The following STC2 variants were observed in gnomAD, a reference collection of about 807,000 sequenced individuals.
STC2 encodes stanniocalcin-2.
A neutral mutation model predicts 22.7 loss-of-function variants in STC2; 7 were observed. The ratio of observed to expected loss-of-function variants is 0.31; its 90% CI spans 0.18 to 0.58. The LOEUF is 0.58. STC2 is among the 20% of genes least tolerant of loss of function. STC2 has a pLI of 0.89. For missense variants in STC2, 336 were observed against 406.2 expected, an observed-to-expected ratio of 0.83 and a Z score of 1.48; for synonymous variants, 158 against 163.4, an observed-to-expected ratio of 0.97 and a Z score of 0.25.
Position 173,321,803 on chromosome 5 carries a change from G to GA in STC2, c.506+1415dup, listed in dbSNP as rs1170648135. On this transcript the variant is annotated intron_variant, in intron 3 of 3. Coordinates refer to ENST00000265087, the MANE Select transcript of STC2 (RefSeq NM_003714.3). ...CCCTGGCCAAGGGCCTAGACCATTA[G>GA]AAAAAAAATTAAAAAAACATAAAAA... is the stretch of plus-strand genomic sequence containing the variant. Among the ~76,000 whole-genome samples the GA allele has an allele frequency of 5.3e-5, 8 of 151,488 alleles. No individual in the cohort carries two copies. The East Asian group carries it at 1.4e-3, about 26-fold the overall frequency.
intron 3 of STC2, 81 bp from the exon 4 acceptor site, chr5:173,318,330 C>T: frequency 7.7e-7 from 1 of 1,306,942 alleles, no homozygotes; most frequent in Non-Finnish European, 9.8e-7. Context: ...CCGAATGGAC[C>T]ACAGAGGGCA....
chr5:173,323,257 T>A lies in STC2; in HGVS notation c.468A>T (p.Ile156=). The A allele has an allele frequency of 3.1e-6, 5 of 1,614,212 alleles. No individual in the cohort carries two copies. The highest frequency in any genetic ancestry group is 4.2e-6 in the Non-Finnish European group (5 of 1,180,048). The change falls in exon 3 of 4, where the codon ATA becomes ATT. Residue 156 remains isoleucine, a synonymous_variant. Coordinates refer to ENST00000265087, the MANE Select transcript of STC2 (RefSeq NM_003714.3). This position sits in a 1 kb window ranked among gnomAD's most constrained non-coding sequence, Gnocchi z 5.4. ...CAAAQENTRV[I]VEMIHFKDLL... ...AGTCCTTGAAATGGATCATCTCCAC[T>A]ATCACCCGGGTGTTCTCCTGGGCAG...
chr5:173,319,642 A>C (rs928800952), intron 3 of STC2, among the ~76,000 whole-genome samples: 3 of 152,214 alleles, frequency 2.0e-5, no homozygotes, highest in Non-Finnish European at 4.4e-5. Context: ...CTTTTTATTA[A>C]TTATTCCTCA....
rs929493417 is a variant in STC2, at chr5:173,317,015, G to C, written c.*832C>G. On this transcript the variant is annotated 3_prime_UTR_variant, in exon 4 of 4. Coordinates refer to ENST00000265087, the MANE Select transcript of STC2 (RefSeq NM_003714.3). Reference sequence around the variant, plus strand: ...AAAAATCAGCCTCAAAGGATGGGCTGGTTTTTTTTTTTTAAACCCCCTTTG... The same window carrying C: ...AAAAATCAGCCTCAAAGGATGGGCTCGTTTTTTTTTTTTAAACCCCCTTTG... The C allele has an allele frequency of 1.3e-5, 2 of 151,192 alleles. No individual in the cohort carries two copies. The highest frequency in any genetic ancestry group is 2.1e-4 in the South Asian group (1 of 4,784). The allele number at this position is 151,192 out of a possible 1,614,324, so 9.4% of individuals were successfully genotyped here.
At chr5:173,321,879 A>T (rs1408758834) in intron 3 of STC2, among the ~76,000 whole-genome samples, 1 of 152,246 alleles carries the variant, frequency 6.6e-6, no homozygotes, top group East Asian at 1.9e-4. Context: ...TTGTTCCCTT[A>T]AAAATATTTG....
In STC2 at chr5:173,323,316, G is replaced by A. The variant is rs1273720400; in HGVS notation, c.409C>T (p.Arg137Trp). The A allele has an allele frequency of 1.9e-6, 3 of 1,614,214 alleles. No homozygotes were observed. Among genetic ancestry groups the A allele is most frequent in the Non-Finnish European group, 1.7e-6 (2 of 1,180,036 alleles). ...AIREMVSQLQRECYLKHDLCA... is the reference protein window; with the variant it reads ...AIREMVSQLQWECYLKHDLCA... ...AGGTCGTGCTTGAGGTAGCATTCCC[G>A]CTGCAACTGGGACACCATTTCCCTG... Residue 137 changes from arginine (R) to tryptophan (W), a missense_variant, in exon 3 of 4, where the codon CGG becomes TGG. Arg to Trp is a moderately radical substitution (Grantham distance 101, BLOSUM62 -3). Transcript: ENST00000265087. The surrounding 1 kb of genome is among the most constrained non-coding windows in gnomAD (Gnocchi z 5.4).
Position 173,325,276 on chromosome 5 carries a change from C to T in STC2, c.294+592G>A, listed in dbSNP as rs539360502. Among the ~76,000 whole-genome samples, 3 of 152,212 alleles carry T rather than the reference C, an allele frequency of 2.0e-5. No homozygotes were observed. The highest frequency in any genetic ancestry group is 2.1e-4 in the South Asian group (1 of 4,824). ...TGCCTTGCCCTGAGCAGCAACTCCG[C>T]GTTCCCCTTGGGACCCTGGGATAAC... On this transcript the variant is annotated intron_variant, in intron 2 of 3. Transcript: ENST00000265087. This position sits in a 1 kb window ranked among gnomAD's most constrained non-coding sequence, Gnocchi z 4.7.
chr5:173,324,895 T>G (rs1328307526), intron 2 of STC2, among the ~76,000 whole-genome samples: 1 of 152,350 alleles, frequency 6.6e-6, no homozygotes, highest in African/African-American at 2.4e-5. Flanking sequence ...TTTCCTTCCC[T>G]GGTTTCAGTT....
rs200632999 is a variant in STC2, at chr5:173,318,255, G to C, written c.507-6C>G. Reference sequence around the variant, plus strand: ...TCACGAGGTCCACGTAGGGTCTAAAGATTGAAAGCAAAGAGAGAGAGAGAG... The same window carrying C: ...TCACGAGGTCCACGTAGGGTCTAAACATTGAAAGCAAAGAGAGAGAGAGAG... On this transcript the variant is annotated splice_polypyrimidine_tract_variant and splice_region_variant and intron_variant, in intron 3 of 3. Transcript: ENST00000265087. 182 of 1,393,332 alleles carry C rather than the reference G, an allele frequency of 1.3e-4. 1 individual carries two copies. Among genetic ancestry groups the C allele is most frequent in the Admixed American group, 2.3e-4 (9 of 39,958 alleles). The allele number at this position is 1,393,332 out of a possible 1,614,324, so 86.3% of individuals were successfully genotyped here.
Position 173,318,007 on chromosome 5 carries a change from C to T in STC2, c.749G>A (p.Ser250Asn), listed in dbSNP as rs758032028. ...GEAGHHLPEPSSRETGRGAKG... is the reference protein window; with the variant it reads ...GEAGHHLPEPNSRETGRGAKG... ...GGCACCTCGGCCAGTCTCCCTACTG[C>T]TGGGCTCTGGGAGGTGATGTCCTGC... The change falls in exon 4 of 4, where the codon AGC (serine) becomes AAC (asparagine). Residue 250 changes from serine to asparagine, a missense_variant. Ser to Asn is a conservative substitution (Grantham distance 46). Coordinates refer to ENST00000265087, the MANE Select transcript of STC2 (RefSeq NM_003714.3). The T allele has an allele frequency of 1.9e-6, 3 of 1,613,040 alleles. No homozygotes were observed. The highest frequency in any genetic ancestry group is 2.5e-6 in the Non-Finnish European group (3 of 1,179,856).
At chr5:173,326,857 A>G (rs985517819) in intron 1 of STC2, 2 of 152,096 alleles carry the variant, frequency 1.3e-5, no homozygotes, top group East Asian at 1.9e-4. Context: ...CCTTTCCACT[A>G]CCCAAGTCTC....
At position 173,323,490 on chromosome 5, in the gene STC2, T is replaced by C; in HGVS notation, c.295-60A>G. The stretch of plus-strand genomic sequence containing the variant: ...GCAGAAAGCAGAAGACCTCGTTACA[T>C]GCTTGGACATTTCAGCCCTTCTTGG... On this transcript the variant is annotated intron_variant, in intron 2 of 3. Transcript: ENST00000265087. The surrounding 1 kb of genome is among the most constrained non-coding windows in gnomAD (Gnocchi z 5.4). 4.1e-6 allele frequency: 6 copies of C among 1,468,016 alleles called. No homozygotes were observed. The South Asian group carries it at 6.1e-5, about 15-fold the overall frequency. 90.9% of individuals were successfully genotyped at this position (1,468,016 alleles called of 1,614,324 possible).
At chr5:173,319,070 TGA>T (rs1382104281) in intron 3 of STC2, among the ~76,000 whole-genome samples, 3 of 152,188 alleles carry the variant, frequency 2.0e-5, no homozygotes, top group African/African-American at 7.2e-5. Flanking sequence ...GTGTCTGGAC[TGA>T]GAGACAGCTC....
intron 1 of STC2, chr5:173,326,754 G>A (rs1252345369): frequency 6.6e-6 from 1 of 152,216 alleles, no homozygotes; most frequent in East Asian, 1.9e-4. Flanking sequence ...GAAGCTTGCA[G>A]CCCTTCACCG....
chr5:173,323,789 C>G lies in STC2; in HGVS notation c.295-359G>C, dbSNP rs1039091227. Among the ~76,000 whole-genome samples, 1 of 152,146 alleles carries G rather than the reference C, an allele frequency of 6.6e-6. No homozygotes were observed. Among genetic ancestry groups the G allele is most frequent in the Admixed American group, 6.5e-5 (1 of 15,286 alleles). On this transcript the variant is annotated intron_variant, in intron 2 of 3. Transcript: ENST00000265087. The surrounding 1 kb of genome is among the most constrained non-coding windows in gnomAD (Gnocchi z 5.4). ...GTGTGGTGGCAACTTTTCTGGAACA[C>G]AAAGGGAATTTGGCCAGACACAAAT... is the stretch of plus-strand genomic sequence containing the variant.
Position 173,325,876 on chromosome 5 carries a change from C to A in STC2, c.286G>T (p.Asp96Tyr), listed in dbSNP as rs1313072372. ...MTFLHNAGKF[D>Y]AQGKSFIKDA... ...TCTGGATGGATTTTTACCTGGGCAT[C>A]AAATTTTCCAGCGTTGTGCAGAAAA... is the stretch of plus-strand genomic sequence containing the variant. Residue 96 changes from aspartate (D) to tyrosine (Y), a missense_variant, in exon 2 of 4, where the codon GAT becomes TAT. Asp to Tyr is a radical substitution (Grantham distance 160, BLOSUM62 -3). Coordinates refer to ENST00000265087, the MANE Select transcript of STC2 (RefSeq NM_003714.3). The surrounding 1 kb of genome is among the most constrained non-coding windows in gnomAD (Gnocchi z 4.7). 1 of 1,614,148 alleles carries A rather than the reference C, an allele frequency of 6.2e-7. No individual in the cohort carries two copies. The highest frequency in any genetic ancestry group is 8.5e-7 in the Non-Finnish European group (1 of 1,180,002).
chr5:173,323,348 G>A lies in STC2; in HGVS notation c.377C>T (p.Pro126Leu). 3.1e-6 allele frequency: 5 copies of A among 1,614,128 alleles called. No individual in the cohort carries two copies. The Middle Eastern group carries it at 4.9e-4, about 160-fold the overall frequency. The change falls in exon 3 of 4, where the codon CCG (proline) becomes CTG (leucine). Residue 126 changes from proline to leucine, a missense_variant. Physicochemically the swap from Pro to Leu is moderately conservative, Grantham distance 98 (BLOSUM62 -3). Coordinates refer to ENST00000265087, the MANE Select transcript of STC2 (RefSeq NM_003714.3). The surrounding 1 kb of genome is among the most constrained non-coding windows in gnomAD (Gnocchi z 5.4). ...HRFGCISRKCPAIREMVSQLQ... is the reference protein window; with the variant it reads ...HRFGCISRKCLAIREMVSQLQ... ...CTGGGACACCATTTCCCTGATGGCC[G>A]GGCACTTCCGGCTTATGCAGCCGAA...
chr5:173,317,974 T>C lies in STC2; in HGVS notation c.782A>G (p.Glu261Gly). The C allele has an allele frequency of 6.2e-7, 1 of 1,613,444 alleles. No individual in the cohort carries two copies. The highest frequency in any genetic ancestry group is 1.1e-5 in the South Asian group (1 of 91,068). ...SRETGRGAKG[E>G]RGSKSHPNAH... is the part of the protein sequence containing the mutation. ...GTTTGGGTGGCTCTTGCTACCTCGC[T>C]CACCCTTGGCACCTCGGCCAGTCTC... The change falls in exon 4 of 4, where the codon GAG (glutamate) becomes GGG (glycine). Residue 261 changes from glutamate to glycine, a missense_variant. Glu to Gly is a moderately conservative substitution (Grantham distance 98, BLOSUM62 -2). Coordinates refer to ENST00000265087, the MANE Select transcript of STC2 (RefSeq NM_003714.3).
Position 173,323,137 on chromosome 5 carries a change from G to A in STC2, c.506+82C>T. The stretch of plus-strand genomic sequence containing the variant: ...TTTGACAGGCATTCAGCCTCTAGAA[G>A]CAACGCGGCTCTCCTCCCATACACA... On this transcript the variant is annotated intron_variant, in intron 3 of 3. Coordinates refer to ENST00000265087, the MANE Select transcript of STC2 (RefSeq NM_003714.3). This position sits in a 1 kb window ranked among gnomAD's most constrained non-coding sequence, Gnocchi z 5.4. 7.3e-7 allele frequency: 1 copy of A among 1,367,250 alleles called. No homozygotes were observed. Among genetic ancestry groups the A allele is most frequent in the African/African-American group, 1.4e-5 (1 of 69,838 alleles). 84.7% of individuals were successfully genotyped at this position (1,367,250 alleles called of 1,614,324 possible).
Sources: gnomAD v4.1 joint callset for allele counts (sites outside exome capture counted in the v4.1 genomes callset) on GRCh38, gnomAD v4.1.1 for gene constraint, Gnocchi (gnomAD v3.1) non-coding constraint, MANE v1.5 for transcripts, NCBI Gene and HGNC (gene_info 2026-07-23, HGNC 2026-07-21) for gene names.